The following OR3A2 variants were observed in gnomAD, a reference collection of about 807,000 sequenced individuals.
OR3A2 encodes the protein olfactory receptor family 3 subfamily A member 2, also known as olfactory receptor 3A2.
For missense variants in OR3A2, 318 were observed against 392.8 expected, an observed-to-expected ratio of 0.81 and a Z score of 1.61; for synonymous variants, 126 against 159.3, an observed-to-expected ratio of 0.79 and a Z score of 1.57.
intron 3 of OR3A2, among the ~76,000 whole-genome samples, 155 bp downstream of exon 2, chr17:3,335,874 C>T (rs2049271956): frequency 6.6e-6 from 1 of 152,190 alleles, no homozygotes; most frequent in Non-Finnish European, 1.5e-5. Context: ...AGTGCCCATG[C>T]ATACCTCCTA....
chr17:3,353,559 A>G (rs2049438540), intron 2 of OR3A2, among the ~76,000 whole-genome samples: 1 of 151,714 alleles, frequency 6.6e-6, no homozygotes, highest in Non-Finnish European at 1.5e-5. Flanking sequence ...CAGGTTTTTG[A>G]GGGTTTTTAT....
chr17:3,353,616 G>T (rs983401455), intron 2 of OR3A2, among the ~76,000 whole-genome samples: 2 of 151,788 alleles, frequency 1.3e-5, no homozygotes, highest in African/African-American at 4.8e-5. Flanking sequence ...AGCATCAATT[G>T]AACTGTTCAT....
chr17:3,340,026 T>C (rs891300012), intron 2 of OR3A2, among the ~76,000 whole-genome samples: 13 of 152,252 alleles, frequency 8.5e-5, no homozygotes, highest in African/African-American at 3.1e-4. Flanking sequence ...CAGAAATTTA[T>C]CCATTTCTTC....
chr17:3,318,006 T>G (rs1243006752), intron 3 of OR3A2, among the ~76,000 whole-genome samples: 1 of 152,136 alleles, frequency 6.6e-6, no homozygotes, highest in Non-Finnish European at 1.5e-5. Context: ...ATTTTGGCGT[T>G]TTAGTTAAGC....
intron 3 of OR3A2, among the ~76,000 whole-genome samples, chr17:3,308,616 C>T (rs7214565): frequency 0.17 from 25,209 of 152,012 alleles, 2,970 homozygotes; most frequent in African/African-American, 0.33. Flanking sequence ...AATACTTAGT[C>T]CAAAGCAGAT....
At chr17:3,333,561 T>A (rs977060151) in intron 3 of OR3A2, among the ~76,000 whole-genome samples, 2 of 152,184 alleles carry the variant, frequency 1.3e-5, no homozygotes, top group Admixed American at 6.5e-5. Context: ...CCTGCCAATA[T>A]GTGATGTCAC....
At chr17:3,321,939 A>C (rs896124441) in intron 3 of OR3A2, among the ~76,000 whole-genome samples, 6 of 152,162 alleles carry the variant, frequency 3.9e-5, no homozygotes, top group Non-Finnish European at 1.5e-5. Context: ...TGATTGGAAT[A>C]GTTTCAGAAG....
intron 3 of OR3A2, chr17:3,292,319 G>C: frequency 6.2e-7 from 1 of 1,614,184 alleles, no homozygotes; most frequent in Non-Finnish European, 8.5e-7. Flanking sequence ...TGCGGGACAG[G>C]AGACGACTCA....
At chr17:3,380,531 G>A (rs1225306345) in intron 2 of OR3A2, among the ~76,000 whole-genome samples, 1 of 152,172 alleles carries the variant, frequency 6.6e-6, no homozygotes, top group African/African-American at 2.4e-5. Context: ...ATCTCCGAAT[G>A]CCTCCCCCAC....
At chr17:3,358,509 G>T (rs1053011123) in intron 2 of OR3A2, among the ~76,000 whole-genome samples, 1 of 151,626 alleles carries the variant, frequency 6.6e-6, no homozygotes, top group African/African-American at 2.4e-5. Context: ...GACAGTTCTT[G>T]AATTCTGCCT....
chr17:3,308,232 A>C (rs967475781), intron 3 of OR3A2, among the ~76,000 whole-genome samples: 1 of 152,216 alleles, frequency 6.6e-6, no homozygotes, highest in African/African-American at 2.4e-5. Context: ...TGAGGCCTCC[A>C]GGGGAACAAT....
At chr17:3,355,565 TA>T (rs1292119598) in intron 2 of OR3A2, among the ~76,000 whole-genome samples, 1 of 151,444 alleles carries the variant, frequency 6.6e-6, no homozygotes, top group Non-Finnish European at 1.5e-5. Context: ...CCTTTACCAT[TA>T]TATAATGCCC....
intron 2 of OR3A2, among the ~76,000 whole-genome samples, chr17:3,371,665 T>A (rs1157000029): frequency 8.6e-6 from 1 of 116,010 alleles, no homozygotes; most frequent in Non-Finnish European, 1.8e-5. Context: ...GCCCCTCACC[T>A]CCCGGACGGG....
intron 2 of OR3A2, among the ~76,000 whole-genome samples, chr17:3,377,970 A>C (rs2049698656): frequency 6.6e-6 from 1 of 152,216 alleles, no homozygotes; most frequent in South Asian, 2.1e-4. Context: ...TGAAAACATA[A>C]CAAGGAGAAA....
chr17:3,288,720 G>A (rs1452239874), upstream of OR3A2, among the ~76,000 whole-genome samples: 2 of 152,160 alleles, frequency 1.3e-5, no homozygotes, highest in Non-Finnish European at 2.9e-5. Flanking sequence ...GATGTAAAAT[G>A]CTGTACATTT....
chr17:3,371,416 A>AG (rs2049617969), intron 2 of OR3A2, among the ~76,000 whole-genome samples: 1 of 118,288 alleles, frequency 8.5e-6, no homozygotes. Flanking sequence ...CTGGCTGGGC[A>AG]GGGGGCTGAC....
chr17:3,278,456 A>C (rs748561606), exon 2 of OR3A2: 1 of 1,614,206 alleles, frequency 6.2e-7, no homozygotes, highest in African/African-American at 1.3e-5. Context: ...TGGTGAAGGC[A>C]CAAGCCAAGG....
At chr17:3,278,334 G>C (rs1447350982) in exon 2 of OR3A2, 6 of 1,614,120 alleles carry the variant, frequency 3.7e-6, no homozygotes, top group Non-Finnish European at 5.1e-6. Flanking sequence ...ATTGAGTTGG[G>C]TGCTGGAGCA....
At chr17:3,347,950 A>C (rs954214530) in intron 2 of OR3A2, among the ~76,000 whole-genome samples, 5 of 152,082 alleles carry the variant, frequency 3.3e-5, no homozygotes, top group Non-Finnish European at 7.4e-5. Flanking sequence ...ACTGGTGTGA[A>C]ATGGTATCTC....
Sources: gnomAD v4.1 joint callset for allele counts (sites outside exome capture counted in the v4.1 genomes callset) on GRCh38, gnomAD v4.1.1 for gene constraint, MANE v1.5 for transcripts, NCBI Gene and HGNC (gene_info 2026-07-23, HGNC 2026-07-21) for gene names.